Variants in HCN1 observed in about 807,000 individuals in gnomAD.
The protein encoded by HCN1 is hyperpolarization activated cyclic nucleotide gated potassium channel 1.
A neutral mutation model predicts 78.9 loss-of-function variants in HCN1; 13 were observed. The ratio of observed to expected loss-of-function variants is 0.16; its 90% CI spans 0.11 to 0.26. The LOEUF is 0.26. Ranked by LOEUF, HCN1 falls within the 10% of genes least tolerant of loss-of-function variation. The pLI is 1.00. For missense variants in HCN1, 810 were observed against 1,154.3 expected, an observed-to-expected ratio of 0.70 and a Z score of 4.32; for synonymous variants, 552 against 455.5, an observed-to-expected ratio of 1.21 and a Z score of -2.70.
At chr5:45,480,667 C>CG (rs1306388368) in intron 2 of HCN1, among the ~76,000 whole-genome samples, 6 of 152,010 alleles carry the variant, frequency 3.9e-5, no homozygotes, top group African/African-American at 1.4e-4. Context: ...ATAAATGTCC[C>CG]GGGACAATAA....
intron 2 of HCN1, among the ~76,000 whole-genome samples, chr5:45,638,764 G>A (rs1028208442): frequency 4.6e-5 from 7 of 152,010 alleles, no homozygotes; most frequent in East Asian, 3.9e-4. Context: ...TTAGCCAGGC[G>A]TGTTGGGGGC....
chr5:45,531,663 A>G (rs1742853324), intron 2 of HCN1, among the ~76,000 whole-genome samples: 1 of 151,824 alleles, frequency 6.6e-6, no homozygotes, highest in Admixed American at 6.6e-5. Flanking sequence ...TGTCATTCTG[A>G]TTTTTTTGCC....
At chr5:45,673,231 T>C (rs370053008) in intron 1 of HCN1, among the ~76,000 whole-genome samples, 2 of 151,598 alleles carry the variant, frequency 1.3e-5, no homozygotes, top group Admixed American at 6.6e-5. Context: ...TGCAGAGGAA[T>C]AGCACAGAGG....
Position 45,527,053 on chromosome 5 carries a change from CTT to C in HCN1, c.850-65048_850-65047del, listed in dbSNP as rs1170524860. Among the ~76,000 whole-genome samples the C allele has an allele frequency of 1.5e-5, 2 of 134,584 alleles. 1 individual carries two copies. Among genetic ancestry groups the C allele is most frequent in the Admixed American group, 1.5e-4 (2 of 13,304 alleles). The allele number at this position is 134,584 out of a possible 152,430, so 88.3% of individuals were successfully genotyped here. A position where few individuals can be genotyped will look rare whatever the true frequency, so the allele number is the denominator to read the frequency against. On this transcript the variant is annotated intron_variant, in intron 2 of 7. Coordinates refer to ENST00000303230, the MANE Select transcript of HCN1 (RefSeq NM_021072.4). The stretch of plus-strand genomic sequence containing the variant: ...CTCATTCTCTCTCTCTTTTCTCCCT[CTT>C]TCTCTCTCTCTCTCTCTCTGTCTCT...
At position 45,398,885 on chromosome 5, in the gene HCN1, A is replaced by G. The variant is rs185429237; in HGVS notation, c.1012-2175T>C. On this transcript the variant is annotated intron_variant, in intron 3 of 7. Transcript: ENST00000303230. ...GCTGTGCAATTTTGCAGCAGCTTTC[A>G]AAACTGGACATTGTAAACACTGAGG... Among the ~76,000 whole-genome samples, 566 of 152,332 alleles carry G rather than the reference A, an allele frequency of 3.7e-3. 1 individual carries two copies. Among genetic ancestry groups the G allele is most frequent in the Non-Finnish European group, 5.5e-3 (375 of 68,020 alleles).
intron 5 of HCN1, among the ~76,000 whole-genome samples, chr5:45,308,475 A>G (rs1384441117): frequency 1.3e-5 from 2 of 152,122 alleles, no homozygotes; most frequent in East Asian, 3.9e-4. Context: ...TAACTCTTTT[A>G]AAAGTTACTT....
At chr5:45,381,972 C>T (rs1485268914) in intron 4 of HCN1, among the ~76,000 whole-genome samples, 1 of 152,178 alleles carries the variant, frequency 6.6e-6, no homozygotes, top group African/African-American at 2.4e-5. Context: ...AGCTTCAATC[C>T]TACTGTCCAG....
intron 2 of HCN1, chr5:45,575,515 T>G (rs1014624008): frequency 6.6e-6 from 1 of 152,024 alleles, no homozygotes; most frequent in Non-Finnish European, 1.5e-5. Context: ...ACATGGCACA[T>G]GTATGCATAT....
At chr5:45,636,885 A>G (rs1745366028) in intron 2 of HCN1, among the ~76,000 whole-genome samples, 1 of 152,192 alleles carries the variant, frequency 6.6e-6, no homozygotes, top group Admixed American at 6.6e-5. Context: ...TTCTTTCAAT[A>G]TCTGACAGGG....
intron 1 of HCN1, among the ~76,000 whole-genome samples, chr5:45,687,180 G>C (rs1739825621): frequency 1.3e-5 from 2 of 152,044 alleles, no homozygotes; most frequent in African/African-American, 4.8e-5. Flanking sequence ...TTAGTCATTT[G>C]TTTGTTTGTT....
chr5:45,298,719 C>T (rs371921750), intron 6 of HCN1, among the ~76,000 whole-genome samples: 2 of 151,882 alleles, frequency 1.3e-5, no homozygotes, highest in South Asian at 2.1e-4. Flanking sequence ...TTATGTCATA[C>T]GTGGCCTTTA....
At chr5:45,621,767 C>T (rs761304713) in intron 2 of HCN1, among the ~76,000 whole-genome samples, 13 of 152,048 alleles carry the variant, frequency 8.5e-5, no homozygotes, top group Non-Finnish European at 1.3e-4. Flanking sequence ...TAGTTTGAAT[C>T]TTTGATTTTG....
chr5:45,352,640 G>A (rs918162797), intron 5 of HCN1, among the ~76,000 whole-genome samples: 1 of 151,998 alleles, frequency 6.6e-6, no homozygotes, highest in African/African-American at 2.4e-5. Flanking sequence ...ACAGAAAGAT[G>A]ATGCAAAGCA....
chr5:45,374,279 C>CA (rs1443731375), intron 4 of HCN1, among the ~76,000 whole-genome samples: 3 of 99,402 alleles, frequency 3.0e-5, no homozygotes, highest in African/African-American at 5.5e-5. Flanking sequence ...ATATTATATA[C>CA]ATTATATACA....
intron 3 of HCN1, among the ~76,000 whole-genome samples, chr5:45,423,325 C>T (rs1740266481): frequency 6.6e-6 from 1 of 152,126 alleles, no homozygotes; most frequent in South Asian, 2.1e-4. Flanking sequence ...GTAAGAGACA[C>T]AAAAATCTCC....
chr5:45,262,044 G>A lies in HCN1; in HGVS notation c.2550C>T (p.Ile850=), dbSNP rs772068771. Residue 850 remains isoleucine (I), a synonymous_variant, in exon 8 of 8, where the codon ATC becomes ATT. Coordinates refer to ENST00000303230, the MANE Select transcript of HCN1 (RefSeq NM_021072.4). ...TLFRQMSSGA[I]PPNRGVPPAP... is the part of the protein sequence containing the mutation. Reference sequence around the variant, plus strand: ...CTGGAGGGACTCCTCGGTTCGGGGGGATGGCTCCCGACGACATCTGTCGGA... The same window carrying A: ...CTGGAGGGACTCCTCGGTTCGGGGGAATGGCTCCCGACGACATCTGTCGGA... 3.1e-6 allele frequency: 5 copies of A among 1,613,880 alleles called. No individual in the cohort carries two copies. Among genetic ancestry groups the A allele is most frequent in the East Asian group, 2.2e-5 (1 of 44,860 alleles).
intron 5 of HCN1, among the ~76,000 whole-genome samples, chr5:45,320,495 T>A (rs1579808684): frequency 6.6e-6 from 1 of 151,882 alleles, no homozygotes; most frequent in Non-Finnish European, 1.5e-5. Context: ...TATTTTACCC[T>A]CACAATAATC....
At chr5:45,311,134 C>T (rs558456203) in intron 5 of HCN1, among the ~76,000 whole-genome samples, 13 of 152,204 alleles carry the variant, frequency 8.5e-5, no homozygotes, top group East Asian at 5.8e-4. Context: ...ATTTAACAAA[C>T]GTGCACATCC....
intron 3 of HCN1, among the ~76,000 whole-genome samples, chr5:45,451,196 C>G (rs1220508646): frequency 6.6e-6 from 1 of 152,054 alleles, no homozygotes; most frequent in East Asian, 1.9e-4. Flanking sequence ...CTCTACATCT[C>G]TCATTTATAG....
Sources: allele counts gnomAD v4.1 joint callset (sites outside exome capture counted in the v4.1 genomes callset), GRCh38; gene constraint gnomAD v4.1.1; transcripts MANE v1.5; gene names NCBI Gene and HGNC (gene_info 2026-07-23, HGNC 2026-07-21).